OR2AJ1: variants seen among roughly 807,000 people sequenced by gnomAD.
OR2AJ1 encodes the protein olfactory receptor 2AJ1.
For missense variants in OR2AJ1, 280 were observed against 163.2 expected (o/e 1.72, Z -3.90); for synonymous variants, 105 against 60.3 (o/e 1.74, Z -3.44).
chr1:247,934,858 CAAT>C lies in OR2AJ1; in HGVS notation c.*108_*110del. ...TTTCAGAAACATTGTTAATAATAAACAATAATATGTGTTTGTGTTGTAAACACG... is the reference window on the plus strand; with the variant it reads ...TTTCAGAAACATTGTTAATAATAAACAATATGTGTTTGTGTTGTAAACACG... On this transcript the variant is annotated 3_prime_UTR_variant, in exon 2 of 2. Coordinates refer to ENST00000318244, the MANE Select transcript of OR2AJ1 (RefSeq NM_001355235.2). 2 of 600,160 alleles carry C rather than the reference CAAT, an allele frequency of 3.3e-6. No individual in the cohort carries two copies. Among genetic ancestry groups the C allele is most frequent in the Non-Finnish European group, 5.9e-6 (2 of 339,370 alleles). 37.2% of individuals were successfully genotyped at this position (600,160 alleles called of 1,614,324 possible). A position where few individuals can be genotyped will look rare whatever the true frequency, so the allele number is the denominator to read the frequency against.
intron 1 of OR2AJ1, among the ~76,000 whole-genome samples, chr1:247,928,694 T>C (rs929737597): frequency 4.6e-5 from 7 of 152,202 alleles, no homozygotes; most frequent in African/African-American, 1.7e-4. Flanking sequence ...CAACAGGAAA[T>C]TGCCTGGTAG....
chr1:247,932,859 T>C (rs1660169250), intron 1 of OR2AJ1, among the ~76,000 whole-genome samples: 1 of 152,154 alleles, frequency 6.6e-6, no homozygotes, highest in South Asian at 2.1e-4. Flanking sequence ...AAATAAATGA[T>C]ATGAACACCT....
chr1:247,933,861 AT>A lies in OR2AJ1; in HGVS notation c.96del (p.Phe32LeufsTer6). The A allele has an allele frequency of 1.4e-6, 1 of 689,926 alleles. No homozygotes were observed. Among genetic ancestry groups the A allele is most frequent in the Non-Finnish European group, 2.7e-6 (1 of 369,702 alleles). 42.7% of individuals were successfully genotyped at this position (689,926 alleles called of 1,614,324 possible). A position where few individuals can be genotyped will look rare whatever the true frequency, so the allele number is the denominator to read the frequency against. ...PTSVVFFLVL[F>X]VIFIMSVTEN... ...CAAGTGTGGTCTTCTTCTTAGTTTTATTTGTCATTTTCATTATGAGTGTAAC... is the reference window on the plus strand; with the variant it reads ...CAAGTGTGGTCTTCTTCTTAGTTTTATTGTCATTTTCATTATGAGTGTAAC... On this transcript the variant is annotated frameshift_variant, in exon 2 of 2. Transcript: ENST00000318244. LOFTEE classifies it low-confidence loss of function (END_TRUNC).
At chr1:247,932,913 C>T (rs953904131) in intron 1 of OR2AJ1, among the ~76,000 whole-genome samples, 4 of 152,150 alleles carry the variant, frequency 2.6e-5, no homozygotes, top group African/African-American at 9.6e-5. Context: ...TCAATTTCAA[C>T]AAGTTAACCA....
At chr1:247,929,852 T>TTG (rs1660133614) in intron 1 of OR2AJ1, among the ~76,000 whole-genome samples, 1 of 152,190 alleles carries the variant, frequency 6.6e-6, no homozygotes, top group Non-Finnish European at 1.5e-5. Context: ...TTCAAAGCAG[T>TTG]AGGGTATTGA....
At chr1:247,927,536 CCTTT>C (rs1660106831) in intron 1 of OR2AJ1, among the ~76,000 whole-genome samples, 2 of 61,866 alleles carry the variant, frequency 3.2e-5, no homozygotes, top group Admixed American at 1.8e-4. Context: ...CATTGAAAAT[CCTTT>C]CTTCTAGCTA....
At chr1:247,930,355 T>G (rs765106731) in intron 1 of OR2AJ1, among the ~76,000 whole-genome samples, 13 of 152,188 alleles carry the variant, frequency 8.5e-5, no homozygotes, top group Non-Finnish European at 1.6e-4. Context: ...TTAAAAAGTA[T>G]TTTTTAGTTG....
chr1:247,934,535 T>G lies in OR2AJ1; in HGVS notation c.767T>G (p.Ile256Ser). The change falls in exon 2 of 2, where the codon ATT (isoleucine) becomes AGT (serine). Residue 256 changes from isoleucine to serine, a missense_variant. By Grantham distance (142) the Ile-to-Ser change is moderately radical. Transcript: ENST00000318244. The stretch of plus-strand genomic sequence containing the variant: ...GTCACGATGTACTATGGGCCATTTA[T>G]TTTTACATATATGAGACCTAAATCA... Reference protein sequence around the residue: ...IVVTMYYGPFIFTYMRPKSYH... With the variant: ...IVVTMYYGPFSFTYMRPKSYH... 3 of 717,582 alleles carry G rather than the reference T, an allele frequency of 4.2e-6. No homozygotes were observed. The highest frequency in any genetic ancestry group is 5.2e-6 in the Non-Finnish European group (2 of 385,102). 44.5% of individuals were successfully genotyped at this position (717,582 alleles called of 1,614,324 possible).
chr1:247,934,173 T>A lies in OR2AJ1; in HGVS notation c.405T>A (p.Leu135=). ...AICHPLRYPI[L]MKEYASALMA... ...GTCACCCGCTGCGCTATCCGATTCT[T>A]ATGAAGGAGTATGCCAGCGCTCTCA... The change falls in exon 2 of 2, where the codon CTT becomes CTA. Residue 135 remains leucine (L), a synonymous_variant. Coordinates refer to ENST00000318244, the MANE Select transcript of OR2AJ1 (RefSeq NM_001355235.2). The A allele has an allele frequency of 1.4e-6, 1 of 718,454 alleles. No homozygotes were observed. The highest frequency in any genetic ancestry group is 1.5e-5 in the South Asian group (1 of 67,636). The allele number at this position is 718,454 out of a possible 1,614,324, so 44.5% of individuals were successfully genotyped here.
rs1251149056 is a variant in OR2AJ1, at chr1:247,935,225, T to C, written c.*470T>C. The C allele has an allele frequency of 2.0e-5, 3 of 153,706 alleles. No individual in the cohort carries two copies. The highest frequency in any genetic ancestry group is 7.2e-5 in the African/African-American group (3 of 41,426). 9.5% of individuals were successfully genotyped at this position (153,706 alleles called of 1,614,324 possible). A position where few individuals can be genotyped will look rare whatever the true frequency, so the allele number is the denominator to read the frequency against. ...ACACACACATATATATGTACACACA[T>C]ATATACAGATATAAGTTGTGTTAAA... On this transcript the variant is annotated 3_prime_UTR_variant, in exon 2 of 2. Coordinates refer to ENST00000318244, the MANE Select transcript of OR2AJ1 (RefSeq NM_001355235.2).
At chr1:247,927,698 G>A (rs1440379336) in intron 1 of OR2AJ1, among the ~76,000 whole-genome samples, 1 of 151,966 alleles carries the variant, frequency 6.6e-6, no homozygotes, top group Admixed American at 6.6e-5. Flanking sequence ...TCCCAGCCTC[G>A]AGTAAATACC....
rs765541359 is a variant in OR2AJ1 at position 247,934,831 on chromosome 1, T to C, written c.*76T>C. ...TATCTTACCACATATAAGAAGTGAA[T>C]ATTTCAGAAACATTGTTAATAATAA... On this transcript the variant is annotated 3_prime_UTR_variant, in exon 2 of 2. Transcript: ENST00000318244. The C allele has an allele frequency of 4.0e-5, 24 of 606,112 alleles. No homozygotes were observed. The highest frequency in any genetic ancestry group is 6.4e-5 in the Non-Finnish European group (22 of 341,772). The allele number at this position is 606,112 out of a possible 1,614,324, so 37.5% of individuals were successfully genotyped here. A position where few individuals can be genotyped will look rare whatever the true frequency, so the allele number is the denominator to read the frequency against.
rs1358305487 is a variant in OR2AJ1, at chr1:247,935,002, T to C, written c.*247T>C. On this transcript the variant is annotated 3_prime_UTR_variant, in exon 2 of 2. Coordinates refer to ENST00000318244, the MANE Select transcript of OR2AJ1 (RefSeq NM_001355235.2). ...CCTAACACCAAAATTGTAAGACTTA[T>C]GAGAATATCCCTAAAAATACAGTCA... 2.8e-6 allele frequency: 1 copy of C among 353,228 alleles called. No individual in the cohort carries two copies. The highest frequency in any genetic ancestry group is 5.1e-6 in the Non-Finnish European group (1 of 197,836). 21.9% of individuals were successfully genotyped at this position (353,228 alleles called of 1,614,324 possible).
intron 1 of OR2AJ1, among the ~76,000 whole-genome samples, chr1:247,925,662 A>G (rs1660083734): frequency 6.6e-6 from 1 of 152,234 alleles, no homozygotes. Flanking sequence ...AGTTGTGGTT[A>G]CAGAAAGAGG....
intron 1 of OR2AJ1, among the ~76,000 whole-genome samples, chr1:247,931,668 GAGA>G (rs1660154134): frequency 6.6e-6 from 1 of 152,218 alleles, no homozygotes; most frequent in African/African-American, 2.4e-5. Context: ...ATGAAATACA[GAGA>G]AGGAGAATTT....
intron 1 of OR2AJ1, among the ~76,000 whole-genome samples, chr1:247,930,782 C>T (rs1272274438): frequency 6.6e-6 from 1 of 152,116 alleles, no homozygotes; most frequent in South Asian, 2.1e-4. Context: ...CATTTAATCA[C>T]ATACAGTTAT....
chr1:247,930,549 A>G (rs1276897497), intron 1 of OR2AJ1, among the ~76,000 whole-genome samples: 1 of 152,218 alleles, frequency 6.6e-6, no homozygotes, highest in African/African-American at 2.4e-5. Context: ...ACATTTGCAC[A>G]GTAAACAGAT....
chr1:247,928,834 C>G (rs185507185), intron 1 of OR2AJ1, among the ~76,000 whole-genome samples: 53 of 152,292 alleles, frequency 3.5e-4, no homozygotes, highest in Non-Finnish European at 4.9e-4. Context: ...GTGCCTCACG[C>G]CTGTAATCCC....
chr1:247,927,497 G>GTGTGTGTGTGTGTGTGT (rs1553341346), intron 1 of OR2AJ1, among the ~76,000 whole-genome samples: 63,333 of 148,066 alleles, frequency 0.43, 15,903 homozygotes, highest in Non-Finnish European at 0.56. Flanking sequence ...ACATTTAGGG[G>GTGTGTGTGTGTGTGTGT]GTGTGTGTGT....
Sources: gnomAD v4.1 joint callset for allele counts (sites outside exome capture counted in the v4.1 genomes callset) on GRCh38, gnomAD v4.1.1 for gene constraint, MANE v1.5 for transcripts, NCBI Gene and HGNC (gene_info 2026-07-23, HGNC 2026-07-21) for gene names.